The following OSCP1 variants were observed in gnomAD, a reference collection of about 807,000 sequenced individuals.
The protein encoded by OSCP1 is organic solute carrier partner 1.
OSCP1 carries 35 observed loss-of-function variants against 45.1 expected under a neutral mutation model. That is an observed-to-expected ratio of 0.78 (90% confidence interval 0.59 to 1.03). OSCP1 has a LOEUF of 1.03. Among genes scored for constraint, OSCP1 ranks in the 50% least tolerant of loss-of-function variants. The pLI, the probability that OSCP1 is intolerant of heterozygous loss-of-function variation, is 0.00. For synonymous variants in OSCP1, 179 were observed against 180.1 expected, an observed-to-expected ratio of 0.99 and a Z score of 0.05; for missense variants, 400 against 470.7, an observed-to-expected ratio of 0.85 and a Z score of 1.39.
intron 4 of OSCP1, among the ~76,000 whole-genome samples, chr1:36,429,035 A>T (rs1648167104): frequency 6.6e-6 from 1 of 152,160 alleles, no homozygotes; most frequent in Non-Finnish European, 1.5e-5. Flanking sequence ...TCAATATCCC[A>T]AGTAGTTCAG....
intron 9 of OSCP1, chr1:36,418,591 C>G (rs564529797): frequency 2.8e-6 from 1 of 352,810 alleles, no homozygotes; most frequent in Non-Finnish European, 5.2e-6. Context: ...AAAAGAGGGT[C>G]TCTGAAGTTC....
chr1:36,435,027 A>C (rs1399205091), intron 2 of OSCP1, among the ~76,000 whole-genome samples: 2 of 151,754 alleles, frequency 1.3e-5, no homozygotes, highest in Admixed American at 1.3e-4. Flanking sequence ...CAGCTTTTTT[A>C]ATTCTAAGTT....
intron 4 of OSCP1, among the ~76,000 whole-genome samples, chr1:36,423,763 A>C (rs1647798456): frequency 6.6e-6 from 1 of 151,952 alleles, no homozygotes; most frequent in African/African-American, 2.4e-5. Flanking sequence ...AGTCTCAGCT[A>C]CTCAGGAGGC....
intron 1 of OSCP1, among the ~76,000 whole-genome samples, chr1:36,449,539 T>A (rs1190555026): frequency 6.6e-6 from 1 of 151,976 alleles, no homozygotes; most frequent in Non-Finnish European, 1.5e-5. Context: ...ATAAAGAAAT[T>A]AAGAATCTGA....
At chr1:36,419,301 T>C (rs1016128174) in intron 8 of OSCP1, 15 of 512,668 alleles carry the variant, frequency 2.9e-5, no homozygotes, top group South Asian at 2.5e-4. Flanking sequence ...CTTGGCAAAC[T>C]CCAAGACCTA....
chr1:36,418,686 G>A (rs566428886), intron 9 of OSCP1: 3 of 350,116 alleles, frequency 8.6e-6, no homozygotes, highest in African/African-American at 6.4e-5. Flanking sequence ...GGAGGCCAAG[G>A]CGGGTGGATC....
chr1:36,425,103 G>A (rs574118686), intron 4 of OSCP1, among the ~76,000 whole-genome samples: 88 of 151,852 alleles, frequency 5.8e-4, no homozygotes, highest in Non-Finnish European at 1.1e-3. Flanking sequence ...AACCCCAGAG[G>A]TGGAGGTTGC....
chr1:36,423,423 C>A lies in OSCP1; in HGVS notation c.560G>T (p.Arg187Leu). Reference protein sequence around the residue: ...LKDKVQNNNGRFVLPVSGPVP... With the variant: ...LKDKVQNNNGLFVLPVSGPVP... ...AGGCCCGGACACCGGCAACACAAAG[C>A]GACCGTTATTATTCTGAACTTTGTC... The change falls in exon 5 of 10, where the codon CGC becomes CTC. Residue 187 changes from arginine (R) to leucine (L), a missense_variant. Transcript: ENST00000235532. 1 of 1,613,648 alleles carries A rather than the reference C, an allele frequency of 6.2e-7. No homozygotes were observed. Among genetic ancestry groups the A allele is most frequent in the Non-Finnish European group, 8.5e-7 (1 of 1,179,804 alleles).
intron 4 of OSCP1, among the ~76,000 whole-genome samples, chr1:36,430,154 T>C (rs991232989): frequency 5.9e-5 from 9 of 151,858 alleles, no homozygotes; most frequent in Admixed American, 4.6e-4. Flanking sequence ...GTGATCCTCC[T>C]ACCTCAGCCT....
intron 4 of OSCP1, among the ~76,000 whole-genome samples, chr1:36,430,234 G>T (rs1648270197): frequency 6.6e-6 from 1 of 151,412 alleles, no homozygotes; most frequent in South Asian, 2.1e-4. Context: ...TAGAGATGGG[G>T]TTTGTCATGT....
intron 4 of OSCP1, among the ~76,000 whole-genome samples, chr1:36,429,538 T>TTTTTTTTTG (rs1648216286): frequency 2.1e-5 from 1 of 48,012 alleles, no homozygotes; most frequent in Non-Finnish European, 3.8e-5. Context: ...GCTTAGAATT[T>TTTTTTTTTG]TTTTTTTTTT....
At chr1:36,423,234 CTG>C (rs2124776531) in intron 5 of OSCP1, 127 bp downstream of exon 5, 1 of 828,350 alleles carries the variant, frequency 1.2e-6, no homozygotes, top group East Asian at 2.6e-5. Context: ...TTTTCAATAG[CTG>C]TTTTACTGAA....
intron 4 of OSCP1, among the ~76,000 whole-genome samples, chr1:36,428,683 G>A (rs1350691540): frequency 5.9e-5 from 9 of 152,138 alleles, no homozygotes; most frequent in Admixed American, 1.3e-4. Flanking sequence ...GGTGGCTCAT[G>A]CCTGTAATCC....
In OSCP1 at chr1:36,427,049, A is replaced by T. The variant is rs1288392479; in HGVS notation, c.517-3583T>A. Among the ~76,000 whole-genome samples, 7 of 141,538 alleles carry T rather than the reference A, an allele frequency of 4.9e-5. No individual in the cohort carries two copies. In the East Asian group the frequency reaches 1.5e-3, roughly 30 times the overall value. 92.9% of individuals were successfully genotyped at this position (141,538 alleles called of 152,430 possible). A position where few individuals can be genotyped will look rare whatever the true frequency, so the allele number is the denominator to read the frequency against. On this transcript the variant is annotated intron_variant, in intron 4 of 9. Transcript: ENST00000235532. ...GGAGTCTTGCTCTGTCGCCCAGGCT[A>T]GAGTACAGTGGCATGATCTCGGCTT...
At chr1:36,419,255 A>G in intron 8 of OSCP1, 1 of 567,286 alleles carries the variant, frequency 1.8e-6, no homozygotes, top group South Asian at 2.3e-5. Context: ...TTTGCACATT[A>G]TAAGCCCTGC....
At chr1:36,418,895 T>C (rs923180014) in intron 9 of OSCP1, 96 bp downstream of exon 9, 16 of 1,064,698 alleles carry the variant, frequency 1.5e-5, no homozygotes, top group Non-Finnish European at 2.3e-5. Context: ...GCCACTGCAC[T>C]TCACCTGGGT....
rs1232153386 is a variant in OSCP1, at chr1:36,418,110, T to G, written c.*29A>C. The G allele has an allele frequency of 6.3e-7, 1 of 1,592,002 alleles. No individual in the cohort carries two copies. The highest frequency in any genetic ancestry group is 1.7e-5 in the Admixed American group (1 of 59,754). ...GGGTCACCATCCAGCAGCCTCTCCCTGGGGGCAGAGGACGCCTGGTCAGAA... is the reference window on the plus strand; with the variant it reads ...GGGTCACCATCCAGCAGCCTCTCCCGGGGGGCAGAGGACGCCTGGTCAGAA... On this transcript the variant is annotated 3_prime_UTR_variant, in exon 10 of 10. Coordinates refer to ENST00000235532, the MANE Select transcript of OSCP1 (RefSeq NM_145047.5).
intron 1 of OSCP1, among the ~76,000 whole-genome samples, chr1:36,448,605 T>C (rs1200285769): frequency 6.6e-6 from 1 of 152,192 alleles, no homozygotes; most frequent in African/African-American, 2.4e-5. Flanking sequence ...CACAGGCTGC[T>C]ATGAGAGCAT....
At chr1:36,434,625 C>G (rs1226057559) in intron 2 of OSCP1, among the ~76,000 whole-genome samples, 1 of 151,890 alleles carries the variant, frequency 6.6e-6, no homozygotes, top group Non-Finnish European at 1.5e-5. Context: ...TGGTGCGTGC[C>G]TGTAATCTCA....
Sources: allele counts gnomAD v4.1 joint callset (sites outside exome capture counted in the v4.1 genomes callset), GRCh38; gene constraint gnomAD v4.1.1; transcripts MANE v1.5; gene names NCBI Gene and HGNC (gene_info 2026-07-23, HGNC 2026-07-21).